The following ZNF580 variants were observed in gnomAD, a reference collection of about 807,000 sequenced individuals.
ZNF580 encodes LDL-induced EC protein.
ZNF580 carries 1 observed loss-of-function variant against 1.3 expected under a neutral mutation model. That is an observed-to-expected ratio of 0.77 (90% confidence interval 0.27 to 3.65). The LOEUF (loss-of-function observed/expected upper bound fraction) is 3.65. Ranked by LOEUF, ZNF580 falls within the 30% of genes most tolerant of loss-of-function variation. The pLI, the probability that ZNF580 is intolerant of heterozygous loss-of-function variation, is 0.19. For missense variants in ZNF580, 268 were observed against 272.3 expected, an observed-to-expected ratio of 0.98 and a Z score of 0.11; for synonymous variants, 135 against 128.8, an observed-to-expected ratio of 1.05 and a Z score of -0.32.
In ZNF580 at chr19:55,642,684, ATGGGGT is replaced by A; in HGVS notation, c.177_182del (p.Gly60_Val61del). 6.9e-7 allele frequency: 1 copy of A among 1,442,204 alleles called. No individual in the cohort carries two copies. The highest frequency in any genetic ancestry group is 9.1e-7 in the Non-Finnish European group (1 of 1,095,498). 89.3% of individuals were successfully genotyped at this position (1,442,204 alleles called of 1,614,324 possible). On this transcript the variant is annotated inframe_deletion, in exon 2 of 2. Coordinates refer to ENST00000325333, the MANE Select transcript of ZNF580 (RefSeq NM_207115.2). ...GGCCGCCACCTCCTCATCGACGCCAATGGGGTCCCCTACACATACACGGTGCAGCTG... is the reference window on the plus strand; with the variant it reads ...GGCCGCCACCTCCTCATCGACGCCAACCCCTACACATACACGGTGCAGCTG...
rs1982637214 is a variant in ZNF580 at position 55,643,148 on chromosome 19, C to T, written c.*121C>T. The T allele has an allele frequency of 8.5e-6, 10 of 1,183,122 alleles. No homozygotes were observed. The highest frequency in any genetic ancestry group is 1.0e-5 in the Non-Finnish European group (10 of 955,386). 73.3% of individuals were successfully genotyped at this position (1,183,122 alleles called of 1,614,324 possible). Reference sequence around the variant, plus strand: ...CTGAGGTTACTGCCTTACCCTGGGCCTCAGTTTCCCCACCTTCCAAAGGGA... The same window carrying T: ...CTGAGGTTACTGCCTTACCCTGGGCTTCAGTTTCCCCACCTTCCAAAGGGA... On this transcript the variant is annotated 3_prime_UTR_variant, in exon 2 of 2. Coordinates refer to ENST00000325333, the MANE Select transcript of ZNF580 (RefSeq NM_207115.2).
In ZNF580 at chr19:55,643,176, AGC is replaced by A; in HGVS notation, c.*150_*151del. On this transcript the variant is annotated 3_prime_UTR_variant, in exon 2 of 2. Coordinates refer to ENST00000325333, the MANE Select transcript of ZNF580 (RefSeq NM_207115.2). ...AGTTTCCCCACCTTCCAAAGGGAGGAGCATCATTCCTTCCTTACCCCCTTTCT... is the reference window on the plus strand; with the variant it reads ...AGTTTCCCCACCTTCCAAAGGGAGGAATCATTCCTTCCTTACCCCCTTTCT... 8.1e-7 allele frequency: 1 copy of A among 1,230,104 alleles called. No homozygotes were observed. Among genetic ancestry groups the A allele is most frequent in the Non-Finnish European group, 1.0e-6 (1 of 963,476 alleles). The allele number at this position is 1,230,104 out of a possible 1,614,324, so 76.2% of individuals were successfully genotyped here.
Position 55,642,772 on chromosome 19 carries a change from T to C in ZNF580, c.264T>C (p.Pro88=). The C allele has an allele frequency of 6.5e-7, 1 of 1,547,838 alleles. No individual in the cohort carries two copies. ...QREAPPGEPG[P]RKGYSCPECA... ...AGGCGCCCCCAGGAGAGCCCGGCCC[T>C]CGCAAGGGCTACAGCTGCCCGGAGT... The change falls in exon 2 of 2, where the codon CCT becomes CCC. Residue 88 remains proline, a synonymous_variant. Coordinates refer to ENST00000325333, the MANE Select transcript of ZNF580 (RefSeq NM_207115.2).
At chr19:55,642,061 ACTGGGG>A in intron 1 of ZNF580, 4 of 986,800 alleles carry the variant, frequency 4.1e-6, no homozygotes, top group Non-Finnish European at 4.8e-6. Flanking sequence ...AGTAAACTGA[ACTGGGG>A]CTGGGCAACA....
At chr19:55,642,423 A>T in intron 1 of ZNF580, 74 bp from the exon 2 acceptor site, 1 of 1,394,118 alleles carries the variant, frequency 7.2e-7, no homozygotes, top group Non-Finnish European at 9.3e-7. Context: ...GATAGTGGGG[A>T]TGCTTTCCAT....
chr19:55,641,569 A>C (rs1376240692), intron 1 of ZNF580, among the ~76,000 whole-genome samples: 3 of 152,070 alleles, frequency 2.0e-5, no homozygotes, highest in Admixed American at 2.0e-4. Context: ...AAAGGAGGGG[A>C]AAGTGGGCTT....
In ZNF580 at chr19:55,642,779, G is replaced by T; in HGVS notation, c.271G>T (p.Gly91Cys). 6.4e-7 allele frequency: 1 copy of T among 1,554,358 alleles called. No homozygotes were observed. ...CCCAGGAGAGCCCGGCCCTCGCAAG[G>T]GCTACAGCTGCCCGGAGTGCGCCCG... ...APPGEPGPRK[G>C]YSCPECARVF... The change falls in exon 2 of 2, where the codon GGC (glycine) becomes TGC (cysteine). Residue 91 changes from glycine (G) to cysteine (C), a missense_variant. By Grantham distance (159) the Gly-to-Cys change is radical. Transcript: ENST00000325333.
rs1269964763 is a variant in ZNF580, at chr19:55,641,072, G to T, written c.-124G>T. ...CAGTCCCCGCGTCCCCGGCGCCGCC[G>T]GCCCGGAGCTGCCCGGAAGTCTCGG... On this transcript the variant is annotated 5_prime_UTR_variant, in exon 1 of 2. Coordinates refer to ENST00000325333, the MANE Select transcript of ZNF580 (RefSeq NM_207115.2). The T allele has an allele frequency of 1.0e-6, 1 of 985,128 alleles. No homozygotes were observed. Among genetic ancestry groups the T allele is most frequent in the Non-Finnish European group, 1.2e-6 (1 of 829,834 alleles). The allele number at this position is 985,128 out of a possible 1,614,324, so 61.0% of individuals were successfully genotyped here.
At position 55,643,133 on chromosome 19, in the gene ZNF580, T is replaced by C. The variant is rs552124001; in HGVS notation, c.*106T>C. On this transcript the variant is annotated 3_prime_UTR_variant, in exon 2 of 2. Coordinates refer to ENST00000325333, the MANE Select transcript of ZNF580 (RefSeq NM_207115.2). ...CACCCCCTGGCTCTGCTGAGGTTAC[T>C]GCCTTACCCTGGGCCTCAGTTTCCC... 257 of 1,273,078 alleles carry C rather than the reference T, an allele frequency of 2.0e-4. 1 individual carries two copies. Among genetic ancestry groups the C allele is most frequent in the Non-Finnish European group, 2.4e-4 (244 of 1,005,808 alleles). The allele number at this position is 1,273,078 out of a possible 1,614,324, so 78.9% of individuals were successfully genotyped here.
At position 55,643,459 on chromosome 19, in the gene ZNF580, T is replaced by G; in HGVS notation, c.*432T>G. 5 of 183,392 alleles carry G rather than the reference T, an allele frequency of 2.7e-5. No homozygotes were observed. The highest frequency in any genetic ancestry group is 1.6e-4 in the East Asian group (1 of 6,168). 11.4% of individuals were successfully genotyped at this position (183,392 alleles called of 1,614,324 possible). ...CCCCCGACCCTTTGCTCAATAAACA[T>G]TCCGCACTCCATTTTCAGGCTCTTC... On this transcript the variant is annotated 3_prime_UTR_variant, in exon 2 of 2. Transcript: ENST00000325333.
Position 55,643,033 on chromosome 19 carries a change from A to G in ZNF580, c.*6A>G. 7.4e-7 allele frequency: 1 copy of G among 1,358,494 alleles called. No homozygotes were observed. The highest frequency in any genetic ancestry group is 9.5e-7 in the Non-Finnish European group (1 of 1,054,496). 84.2% of individuals were successfully genotyped at this position (1,358,494 alleles called of 1,614,324 possible). On this transcript the variant is annotated 3_prime_UTR_variant, in exon 2 of 2. Transcript: ENST00000325333. ...AGCACGTGCGCCTCCACTAAGCTCGAGACCCGGCCTGTGCTGCCCTGCCCG... is the reference window on the plus strand; with the variant it reads ...AGCACGTGCGCCTCCACTAAGCTCGGGACCCGGCCTGTGCTGCCCTGCCCG...
Position 55,643,063 on chromosome 19 carries a change from A to G in ZNF580, c.*36A>G. 7.5e-7 allele frequency: 1 copy of G among 1,340,434 alleles called. No individual in the cohort carries two copies. The highest frequency in any genetic ancestry group is 9.6e-7 in the Non-Finnish European group (1 of 1,043,446). The allele number at this position is 1,340,434 out of a possible 1,614,324, so 83.0% of individuals were successfully genotyped here. On this transcript the variant is annotated 3_prime_UTR_variant, in exon 2 of 2. Coordinates refer to ENST00000325333, the MANE Select transcript of ZNF580 (RefSeq NM_207115.2). The stretch of plus-strand genomic sequence containing the variant: ...CGGCCTGTGCTGCCCTGCCCGTCTC[A>G]GGGCCACCAAGTCTGACCCACACAG...
intron 1 of ZNF580, chr19:55,642,204 A>C: frequency 8.6e-7 from 1 of 1,157,270 alleles, no homozygotes; most frequent in Non-Finnish European, 1.1e-6. Flanking sequence ...GAGAAAAGGG[A>C]AGAAAAGTCG....
Position 55,643,159 on chromosome 19 carries a change from C to T in ZNF580, c.*132C>T. ...GCCTTACCCTGGGCCTCAGTTTCCC[C>T]ACCTTCCAAAGGGAGGAGCATCATT... is the stretch of plus-strand genomic sequence containing the variant. On this transcript the variant is annotated 3_prime_UTR_variant, in exon 2 of 2. Transcript: ENST00000325333. The T allele has an allele frequency of 8.0e-7, 1 of 1,244,396 alleles. No individual in the cohort carries two copies. 77.1% of individuals were successfully genotyped at this position (1,244,396 alleles called of 1,614,324 possible).
Position 55,642,847 on chromosome 19 carries a change from G to A in ZNF580, c.339G>A (p.Ser113=). Reference sequence around the variant, plus strand: ...TGCGGCTGCAGAGCCACCGCGTGTCGCACTCGGACCTCAAGCCCTTCACGT... The same window carrying A: ...TGCGGCTGCAGAGCCACCGCGTGTCACACTCGGACCTCAAGCCCTTCACGT... The part of the protein sequence containing the change: ...SPLRLQSHRV[S]HSDLKPFTCG... Residue 113 remains serine, a synonymous_variant, in exon 2 of 2, where the codon TCG becomes TCA. Coordinates refer to ENST00000325333, the MANE Select transcript of ZNF580 (RefSeq NM_207115.2). The A allele has an allele frequency of 2.5e-6, 4 of 1,573,916 alleles. No homozygotes were observed. Among genetic ancestry groups the A allele is most frequent in the East Asian group, 2.3e-5 (1 of 42,732 alleles).
chr19:55,641,511 C>T (rs907752553), intron 1 of ZNF580, among the ~76,000 whole-genome samples: 4 of 152,104 alleles, frequency 2.6e-5, no homozygotes, highest in Admixed American at 2.0e-4. Flanking sequence ...GATGGGGCTC[C>T]TGGAAGAGGT....
At chr19:55,641,468 G>A (rs1023016211) in intron 1 of ZNF580, among the ~76,000 whole-genome samples, 1 of 152,236 alleles carries the variant, frequency 6.6e-6, no homozygotes, top group African/African-American at 2.4e-5. Flanking sequence ...AAAAGAACGG[G>A]CGGGGGACCA....
chr19:55,641,035 C>T lies in ZNF580; in HGVS notation c.-161C>T, dbSNP rs960094302. On this transcript the variant is annotated 5_prime_UTR_variant, in exon 1 of 2. Coordinates refer to ENST00000325333, the MANE Select transcript of ZNF580 (RefSeq NM_207115.2). ...CCAGGGACTCCGCCAACCCCTCGCACCCCCGCGCCCCCAGTCCCCGCGTCC... is the reference window on the plus strand; with the variant it reads ...CCAGGGACTCCGCCAACCCCTCGCATCCCCGCGCCCCCAGTCCCCGCGTCC... The T allele has an allele frequency of 2.1e-5, 21 of 985,202 alleles. No homozygotes were observed. The African/African-American group carries it at 2.8e-4, about 13-fold the overall frequency. The allele number at this position is 985,202 out of a possible 1,614,324, so 61.0% of individuals were successfully genotyped here.
At chr19:55,642,243 G>A (rs1394706482) in intron 1 of ZNF580, 2 of 1,219,842 alleles carry the variant, frequency 1.6e-6, no homozygotes, top group Non-Finnish European at 2.0e-6. Flanking sequence ...CCTGACCTGA[G>A]TGGTGAGAGG....
Sources: allele counts gnomAD v4.1 joint callset (sites outside exome capture counted in the v4.1 genomes callset), GRCh38; gene constraint gnomAD v4.1.1; transcripts MANE v1.5; gene names NCBI Gene and HGNC (gene_info 2026-07-23, HGNC 2026-07-21).